ITPRID1: variants seen among roughly 807,000 people sequenced by gnomAD.
ITPRID1 encodes the protein protein ITPRID1.
Under a neutral mutation model 95.4 loss-of-function variants are expected in ITPRID1, and 96 were observed. The observed-to-expected ratio is 1.01, with a 90% CI of 0.85 to 1.19. The LOEUF (loss-of-function observed/expected upper bound fraction) is 1.19. Ranked by LOEUF, ITPRID1 falls within the 50% of genes most tolerant of loss-of-function variation. The pLI is 0.00. For synonymous variants in ITPRID1, 510 were observed against 453.6 expected (o/e 1.12, Z -1.58); for missense variants, 1,339 against 1,252.9 (o/e 1.07, Z -1.04).
intron 1 of ITPRID1, among the ~76,000 whole-genome samples, chr7:31,542,874 T>G (rs571226204): frequency 1.3e-5 from 2 of 152,276 alleles, no homozygotes; most frequent in African/African-American, 4.8e-5. Context: ...TTTTAAAGAT[T>G]AAGGTCATGT....
intron 10 of ITPRID1, among the ~76,000 whole-genome samples, chr7:31,589,792 T>C (rs1054868651): frequency 6.6e-6 from 1 of 152,142 alleles, no homozygotes; most frequent in African/African-American, 2.4e-5. Context: ...CTGTAAACAT[T>C]GCTAAAGGAA....
At chr7:31,638,809 C>T (rs574239213) in intron 10 of ITPRID1, among the ~76,000 whole-genome samples, 2 of 152,204 alleles carry the variant, frequency 1.3e-5, no homozygotes, top group African/African-American at 4.8e-5. Context: ...TGGAGACTTG[C>T]TCTGTCGCCC....
At chr7:31,651,291 A>G (rs1790926248) in intron 13 of ITPRID1, 22 bp downstream of exon 13, 2 of 1,609,790 alleles carry the variant, frequency 1.2e-6, no homozygotes, top group Non-Finnish European at 1.7e-6. Flanking sequence ...AGGGAGCCAT[A>G]AAAGTAAGTA....
At chr7:31,548,804 T>A (rs576432134) in intron 1 of ITPRID1, among the ~76,000 whole-genome samples, 14 of 152,180 alleles carry the variant, frequency 9.2e-5, no homozygotes, top group Admixed American at 9.2e-4. Context: ...GGTAATCATT[T>A]TTTTGAGAAT....
chr7:31,630,407 T>A lies in ITPRID1; in HGVS notation c.1229-11769T>A, dbSNP rs1457671002. 3.9e-5 allele frequency among the ~76,000 whole-genome samples: 6 copies of A among 152,292 alleles called. No homozygotes were observed. In the South Asian group the frequency reaches 1.0e-3, roughly 26 times the overall value. On this transcript the variant is annotated intron_variant, in intron 10 of 14. Transcript: ENST00000615280. Reference sequence around the variant, plus strand: ...CAGTTCAAAATCAGGCCTACTTAAATGTGAAGTTATACTCTGTCTTTATTA... The same window carrying A: ...CAGTTCAAAATCAGGCCTACTTAAAAGTGAAGTTATACTCTGTCTTTATTA...
intron 10 of ITPRID1, among the ~76,000 whole-genome samples, chr7:31,639,438 T>A (rs952769481): frequency 1.7e-4 from 1 of 5,908 alleles, no homozygotes; most frequent in Non-Finnish European, 3.0e-4. Flanking sequence ...CAATTTGGGT[T>A]TTTTTTAAAT....
At chr7:31,585,093 C>T (rs1181294648) in intron 10 of ITPRID1, among the ~76,000 whole-genome samples, 1 of 152,150 alleles carries the variant, frequency 6.6e-6, no homozygotes, top group African/African-American at 2.4e-5. Flanking sequence ...TGATGTCTGG[C>T]CCAAACGTTC....
intron 1 of ITPRID1, among the ~76,000 whole-genome samples, chr7:31,528,212 A>C (rs1240711775): frequency 6.6e-6 from 1 of 152,220 alleles, no homozygotes; most frequent in Non-Finnish European, 1.5e-5. Context: ...TTATATGAAT[A>C]CATGTATAAC....
chr7:31,605,821 G>A (rs1786597171), intron 10 of ITPRID1, among the ~76,000 whole-genome samples: 1 of 152,200 alleles, frequency 6.6e-6, no homozygotes, highest in African/African-American at 2.4e-5. Flanking sequence ...AGGTTGGAAA[G>A]TGGCTCAGTG....
intron 1 of ITPRID1, among the ~76,000 whole-genome samples, chr7:31,525,575 C>T (rs552387895): frequency 1.3e-5 from 2 of 152,230 alleles, no homozygotes; most frequent in African/African-American, 4.8e-5. Flanking sequence ...ACAGTAGAGG[C>T]AGCATTTGAT....
intron 9 of ITPRID1, 45 bp from the exon 10 acceptor site, chr7:31,583,089 A>G: frequency 7.1e-7 from 1 of 1,412,078 alleles, no homozygotes; most frequent in South Asian, 1.2e-5. Context: ...AAGTGAATTT[A>G]TTTGACAAAA....
chr7:31,625,447 A>C (rs1439217379), intron 10 of ITPRID1, among the ~76,000 whole-genome samples: 4 of 152,170 alleles, frequency 2.6e-5, no homozygotes, highest in Non-Finnish European at 5.9e-5. Flanking sequence ...CAGCCATAAA[A>C]AATGATGAGT....
intron 5 of ITPRID1, among the ~76,000 whole-genome samples, chr7:31,557,730 A>C (rs984522559): frequency 5.3e-5 from 8 of 152,188 alleles, no homozygotes; most frequent in Non-Finnish European, 1.0e-4. Context: ...TATTACGTGG[A>C]GGAAAATGAG....
intron 10 of ITPRID1, among the ~76,000 whole-genome samples, chr7:31,599,659 C>T (rs75641567): frequency 0.01 from 328 of 31,706 alleles, 7 homozygotes; most frequent in Middle Eastern, 0.038. Context: ...TTCTTTCTTT[C>T]CTTTCTCTCT....
chr7:31,562,044 T>TAAAAA (rs33912394), intron 5 of ITPRID1, among the ~76,000 whole-genome samples: 2 of 52,510 alleles, frequency 3.8e-5, no homozygotes, highest in African/African-American at 6.9e-5. Context: ...GCTATGTATT[T>TAAAAA]AAAAAAAAAA....
chr7:31,593,219 T>G (rs1424437383), intron 10 of ITPRID1, among the ~76,000 whole-genome samples: 2 of 151,996 alleles, frequency 1.3e-5, no homozygotes, highest in African/African-American at 2.4e-5. Context: ...GCAGGAGAAT[T>G]GCTTGAACCT....
rs777536724 is a variant in ITPRID1 at position 31,578,210 on chromosome 7, C to G, written c.946C>G (p.Gln316Glu). The G allele has an allele frequency of 1.2e-6, 2 of 1,613,534 alleles. No individual in the cohort carries two copies. The highest frequency in any genetic ancestry group is 1.3e-5 in the African/African-American group (1 of 74,896). ...TCATTTGTCTCTGTCAGTAGAACAT[C>G]AGTCTCTCCAAGCCTGTGATGATTT... ...QNHLSLSVEH[Q>E]SLQACDDLLP... The change falls in exon 9 of 15, where the codon CAG (glutamine) becomes GAG (glutamate). Residue 316 changes from glutamine to glutamate, a missense_variant. Gln to Glu is a conservative substitution (Grantham distance 29). Coordinates refer to ENST00000615280, the MANE Select transcript of ITPRID1 (RefSeq NM_001257967.3).
In ITPRID1 at chr7:31,653,441, T is replaced by G; in HGVS notation, c.*612T>G. 6.5e-6 allele frequency: 1 copy of G among 153,462 alleles called. No homozygotes were observed. The highest frequency in any genetic ancestry group is 1.5e-5 in the Non-Finnish European group (1 of 68,832). The allele number at this position is 153,462 out of a possible 1,614,324, so 9.5% of individuals were successfully genotyped here. A position where few individuals can be genotyped will look rare whatever the true frequency, so the allele number is the denominator to read the frequency against. ...ATAGGGCAGAGGAAGCAATCAGATA[T>G]GCATTTGTCTCGGGGGAGCAGAGGG... is the stretch of plus-strand genomic sequence containing the variant. On this transcript the variant is annotated 3_prime_UTR_variant, in exon 15 of 15. Transcript: ENST00000615280.
intron 10 of ITPRID1, among the ~76,000 whole-genome samples, chr7:31,613,770 G>A (rs1185863041): frequency 6.6e-6 from 1 of 152,146 alleles, no homozygotes; most frequent in Admixed American, 6.5e-5. Context: ...TTCTGAATTT[G>A]CAAGGTGGCT....
Sources: allele counts gnomAD v4.1 joint callset (sites outside exome capture counted in the v4.1 genomes callset), GRCh38; gene constraint gnomAD v4.1.1; transcripts MANE v1.5; gene names NCBI Gene and HGNC (gene_info 2026-07-23, HGNC 2026-07-21).